The following SIPA1L1 variants were observed in gnomAD, a reference collection of about 807,000 sequenced individuals.
SIPA1L1 encodes the protein signal induced proliferation associated 1 like 1.
A neutral mutation model predicts 162.7 loss-of-function variants in SIPA1L1; 26 were observed. The ratio of observed to expected loss-of-function variants is 0.16; its 90% CI spans 0.12 to 0.22. SIPA1L1 has a LOEUF of 0.22. Among genes scored for constraint, SIPA1L1 ranks in the 10% least tolerant of loss-of-function variants. The pLI is 1.00. For synonymous variants in SIPA1L1, 829 were observed against 837.4 expected (o/e 0.99, Z 0.17); for missense variants, 1,874 against 2,241.0 (o/e 0.84, Z 3.31).
At chr14:71,458,821 G>T (rs935684646) in intron 2 of SIPA1L1, among the ~76,000 whole-genome samples, 1 of 152,022 alleles carries the variant, frequency 6.6e-6, no homozygotes, top group African/African-American at 2.4e-5. Context: ...CTGTAATCCT[G>T]TCACTTTGGG....
chr14:71,440,646 C>CAAAAAAAAAAAA (rs397853535), intron 2 of SIPA1L1, among the ~76,000 whole-genome samples: 1 of 55,664 alleles, frequency 1.8e-5, no homozygotes. Flanking sequence ...GAACCCATCT[C>CAAAAAAAAAAAA]AAAAAAAAAA....
intron 17 of SIPA1L1, among the ~76,000 whole-genome samples, chr14:71,710,559 G>A (rs1344495621): frequency 6.6e-6 from 1 of 152,138 alleles, no homozygotes; most frequent in African/African-American, 2.4e-5. Flanking sequence ...TGTAATCCCA[G>A]CACTTTGGGA....
At chr14:71,335,657 G>A (rs760802765) in intron 2 of SIPA1L1, among the ~76,000 whole-genome samples, 2 of 152,158 alleles carry the variant, frequency 1.3e-5, no homozygotes, top group Non-Finnish European at 2.9e-5. Flanking sequence ...ATATCATGGG[G>A]GCAGAAGTTA....
chr14:71,637,037 T>C (rs935154233), intron 7 of SIPA1L1, among the ~76,000 whole-genome samples: 32 of 144,288 alleles, frequency 2.2e-4, no homozygotes, highest in African/African-American at 8.0e-4. Flanking sequence ...AGTGACAGAA[T>C]GAGACTCCAT....
chr14:71,583,902 T>G (rs931607385), intron 4 of SIPA1L1, among the ~76,000 whole-genome samples: 2 of 151,604 alleles, frequency 1.3e-5, no homozygotes, highest in Non-Finnish European at 3.0e-5. Context: ...CATGCAGATT[T>G]CCAGCCAGTA....
intron 3 of SIPA1L1, among the ~76,000 whole-genome samples, chr14:71,527,543 G>C (rs2053006144): frequency 1.3e-5 from 2 of 151,864 alleles, no homozygotes; most frequent in African/African-American, 4.8e-5. Context: ...TATATGTTCT[G>C]AATCTGTCCT....
chr14:71,336,362 C>T (rs570356949), intron 2 of SIPA1L1, among the ~76,000 whole-genome samples: 9 of 152,242 alleles, frequency 5.9e-5, no homozygotes, highest in Non-Finnish European at 1.2e-4. Flanking sequence ...TCTTTCCAGC[C>T]GCACCCCTCC....
At chr14:71,646,559 A>T (rs10459540) in intron 7 of SIPA1L1, among the ~76,000 whole-genome samples, 147,907 of 152,362 alleles carry the variant, frequency 0.97, 71,821 homozygotes, top group East Asian at 1. Context: ...GAAGCTCACA[A>T]CACTTTTAGT....
intron 2 of SIPA1L1, among the ~76,000 whole-genome samples, chr14:71,499,571 T>C (rs1437897880): frequency 6.6e-6 from 1 of 152,230 alleles, no homozygotes; most frequent in Non-Finnish European, 1.5e-5. Context: ...TCTTAAATTA[T>C]CAATCTAACA....
At chr14:71,422,914 A>C (rs1038469778) in intron 2 of SIPA1L1, among the ~76,000 whole-genome samples, 1 of 152,202 alleles carries the variant, frequency 6.6e-6, no homozygotes, top group Non-Finnish European at 1.5e-5. Flanking sequence ...TCTTTTCTTC[A>C]CAGTGGCTGT....
chr14:71,633,285 T>C (rs868556263), intron 7 of SIPA1L1, among the ~76,000 whole-genome samples: 30 of 152,122 alleles, frequency 2.0e-4, no homozygotes, highest in African/African-American at 7.0e-4. Flanking sequence ...CTCAGCCTCC[T>C]GAGTAATGTG....
chr14:71,496,378 C>G (rs2049782287), intron 2 of SIPA1L1, among the ~76,000 whole-genome samples: 1 of 151,566 alleles, frequency 6.6e-6, no homozygotes, highest in Non-Finnish European at 1.5e-5. Flanking sequence ...TTTCTTTGAC[C>G]CATGGGTTGT....
In SIPA1L1 at chr14:71,661,323, G is replaced by A. The variant is rs1471032083; in HGVS notation, c.2111G>A (p.Arg704Gln). Residue 704 changes from arginine (R) to glutamine (Q), a missense_variant, in exon 10 of 24, where the codon CGG (arginine) becomes CAG (glutamine). By Grantham distance (43) the Arg-to-Gln change is conservative. Coordinates refer to ENST00000381232, the MANE Select transcript of SIPA1L1 (RefSeq NM_001386936.1). ...PNNKQQLLRK[R>Q]HIGNDIVTIV... ...TTTTTCTTGTAGCTCCTGAGGAAGC[G>A]GCACATTGGAAATGATATCGTAACA... is the stretch of plus-strand genomic sequence containing the variant. The A allele has an allele frequency of 1.9e-6, 3 of 1,612,998 alleles. No individual in the cohort carries two copies. Among genetic ancestry groups the A allele is most frequent in the East Asian group, 2.2e-5 (1 of 44,880 alleles).
intron 2 of SIPA1L1, among the ~76,000 whole-genome samples, chr14:71,366,991 A>G (rs2038362389): frequency 6.6e-6 from 1 of 152,208 alleles, no homozygotes; most frequent in Non-Finnish European, 1.5e-5. Context: ...ACACAAAATT[A>G]TGCAGAATAA....
chr14:71,625,854 C>A (rs1233173262), intron 7 of SIPA1L1, among the ~76,000 whole-genome samples: 1 of 152,050 alleles, frequency 6.6e-6, no homozygotes. Context: ...TAGTTATTGC[C>A]ATTTTCTTTT....
chr14:71,379,507 G>C (rs1232972549), intron 2 of SIPA1L1: 3 of 150,858 alleles, frequency 2.0e-5, no homozygotes, highest in Non-Finnish European at 2.9e-5. Context: ...ATGTGGTCTC[G>C]CTGTGTTGCC....
At chr14:71,442,289 G>A (rs2044955131) in intron 2 of SIPA1L1, among the ~76,000 whole-genome samples, 1 of 151,558 alleles carries the variant, frequency 6.6e-6, no homozygotes, top group Non-Finnish European at 1.5e-5. Flanking sequence ...CATTAGAAAG[G>A]GTCAGTATCC....
At chr14:71,438,279 C>T (rs1371850390) in intron 2 of SIPA1L1, among the ~76,000 whole-genome samples, 1 of 152,168 alleles carries the variant, frequency 6.6e-6, no homozygotes, top group Non-Finnish European at 1.5e-5. Flanking sequence ...ATAATTCCCT[C>T]TTTCCCTGTT....
chr14:71,422,956 A>G (rs994690017), intron 2 of SIPA1L1, among the ~76,000 whole-genome samples: 1 of 152,184 alleles, frequency 6.6e-6, no homozygotes, highest in Non-Finnish European at 1.5e-5. Flanking sequence ...CAGTGCACAA[A>G]GATTCCAGTT....
Sources: gnomAD v4.1 joint callset for allele counts (sites outside exome capture counted in the v4.1 genomes callset) on GRCh38, gnomAD v4.1.1 for gene constraint, MANE v1.5 for transcripts, NCBI Gene and HGNC (gene_info 2026-07-23, HGNC 2026-07-21) for gene names.